PLPP4: variants seen among roughly 807,000 people sequenced by gnomAD.
PLPP4 encodes diacylglycerol pyrophosphate like 2.
In PLPP4, 20 loss-of-function variants were observed where a neutral mutation model predicts 32.2. The ratio of observed to expected loss-of-function variants is 0.62; its 90% confidence interval spans 0.44 to 0.90. PLPP4 has a LOEUF of 0.90. Among genes scored for constraint, PLPP4 ranks in the 40% least tolerant of loss-of-function variants. PLPP4 has a pLI of 0.00. For missense variants in PLPP4, 257 were observed against 353.1 expected (o/e 0.73, Z 2.18); for synonymous variants, 127 against 133.0 (o/e 0.95, Z 0.31).
intron 4 of PLPP4, among the ~76,000 whole-genome samples, chr10:120,520,442 A>G (rs1388559007): frequency 2.0e-5 from 3 of 152,192 alleles, no homozygotes; most frequent in African/African-American, 7.2e-5. Flanking sequence ...TAATAGGATT[A>G]CTTATTTATC....
chr10:120,581,415 G>A, intron 6 of PLPP4: 1 of 575,328 alleles, frequency 1.7e-6, no homozygotes, highest in Non-Finnish European at 2.2e-6. Flanking sequence ...GCCCTCAACT[G>A]CATTTGGAAT....
At chr10:120,533,853 A>T (rs1478264205) in intron 5 of PLPP4, among the ~76,000 whole-genome samples, 1 of 151,988 alleles carries the variant, frequency 6.6e-6, no homozygotes, top group Non-Finnish European at 1.5e-5. Context: ...ATCTGGTTTC[A>T]TTTCCTTAGT....
At chr10:120,574,845 T>G (rs773250548) in intron 5 of PLPP4, among the ~76,000 whole-genome samples, 2 of 152,254 alleles carry the variant, frequency 1.3e-5, no homozygotes, top group Non-Finnish European at 2.9e-5. Context: ...CCACATCTAG[T>G]GCAGTGCCTG....
chr10:120,515,842 G>A (rs1845914734), intron 3 of PLPP4, among the ~76,000 whole-genome samples: 1 of 152,182 alleles, frequency 6.6e-6, no homozygotes, highest in African/African-American at 2.4e-5. Context: ...GGAGTCTCAA[G>A]ATAAGTGACT....
At chr10:120,486,640 G>A (rs1028457710) in intron 1 of PLPP4, among the ~76,000 whole-genome samples, 4 of 152,200 alleles carry the variant, frequency 2.6e-5, no homozygotes, top group African/African-American at 9.7e-5. Flanking sequence ...AGGAGAATGT[G>A]GTTTCAGGTG....
chr10:120,554,842 A>G (rs749301619), intron 5 of PLPP4, among the ~76,000 whole-genome samples: 1 of 152,258 alleles, frequency 6.6e-6, no homozygotes, highest in Non-Finnish European at 1.5e-5. Context: ...ATCTGCCCCC[A>G]TGACCAAATC....
intron 1 of PLPP4, among the ~76,000 whole-genome samples, chr10:120,496,933 GTGTGT>G (rs1163513582): frequency 2.0e-5 from 3 of 149,328 alleles, no homozygotes; most frequent in Non-Finnish European, 3.0e-5. Context: ...GTGTGTGTGT[GTGTGT>G]ATGTGCAGGT....
intron 6 of PLPP4, among the ~76,000 whole-genome samples, chr10:120,582,352 C>A (rs1849548772): frequency 6.6e-6 from 1 of 152,198 alleles, no homozygotes; most frequent in African/African-American, 2.4e-5. Context: ...CTGCCTCTCT[C>A]TTCCCATGGT....
chr10:120,589,399 A>C lies in PLPP4; in HGVS notation c.713A>C (p.Tyr238Ser), dbSNP rs780435648. The C allele has an allele frequency of 1.2e-6, 2 of 1,614,100 alleles. No individual in the cohort carries two copies. Among genetic ancestry groups the C allele is most frequent in the South Asian group, 1.1e-5 (1 of 91,084 alleles). ...PLANTACHKP[Y>S]VSLRVPASLK... ...GCCAACACAGCTTGCCATAAACCCTACGTTAGTCTGCGAGTCCCAGCCTCA... is the reference window on the plus strand; with the variant it reads ...GCCAACACAGCTTGCCATAAACCCTCCGTTAGTCTGCGAGTCCCAGCCTCA... Residue 238 changes from tyrosine to serine, a missense_variant, in exon 7 of 7, where the codon TAC (tyrosine) becomes TCC (serine). Physicochemically the swap from Tyr to Ser is moderately radical, Grantham distance 144. Coordinates refer to ENST00000398250, the MANE Select transcript of PLPP4 (RefSeq NM_001030059.3).
intron 5 of PLPP4, among the ~76,000 whole-genome samples, chr10:120,555,781 G>T (rs1848135726): frequency 6.6e-6 from 1 of 152,244 alleles, no homozygotes; most frequent in South Asian, 2.1e-4. Flanking sequence ...TCACCCAACA[G>T]ATATTTATTG....
chr10:120,567,404 A>G (rs1848740156), intron 5 of PLPP4, among the ~76,000 whole-genome samples: 1 of 152,190 alleles, frequency 6.6e-6, no homozygotes, highest in Non-Finnish European at 1.5e-5. Context: ...CACACATATC[A>G]AGTCTTTGGA....
At chr10:120,506,858 C>G (rs1755033323) in intron 2 of PLPP4, among the ~76,000 whole-genome samples, 1 of 152,162 alleles carries the variant, frequency 6.6e-6, no homozygotes, top group Admixed American at 6.5e-5. Context: ...CTGTTTGATT[C>G]CAAGAGCTTG....
intron 6 of PLPP4, 100 bp downstream of exon 6, chr10:120,575,401 A>G (rs999212382): frequency 7.7e-6 from 10 of 1,300,700 alleles, no homozygotes; most frequent in African/African-American, 1.5e-5. Flanking sequence ...CTAAGTGCCC[A>G]TTGTCCAAAA....
intron 1 of PLPP4, among the ~76,000 whole-genome samples, chr10:120,478,495 G>C (rs1844036243): frequency 6.6e-6 from 1 of 152,208 alleles, no homozygotes. Context: ...GCATAGGCTT[G>C]ATGTAGGAAA....
At chr10:120,475,980 G>A (rs1416385323) in intron 1 of PLPP4, among the ~76,000 whole-genome samples, 2 of 152,192 alleles carry the variant, frequency 1.3e-5, no homozygotes, top group Non-Finnish European at 2.9e-5. Context: ...TGCAGGCTCG[G>A]ACATGCATTG....
At chr10:120,484,360 A>G (rs1564787822) in intron 1 of PLPP4, among the ~76,000 whole-genome samples, 1 of 152,166 alleles carries the variant, frequency 6.6e-6, no homozygotes. Context: ...AAATTGGATA[A>G]TTCATAATAA....
At chr10:120,484,203 A>G (rs1844339130) in intron 1 of PLPP4, among the ~76,000 whole-genome samples, 1 of 152,238 alleles carries the variant, frequency 6.6e-6, no homozygotes, top group African/African-American at 2.4e-5. Context: ...TCTATAAACA[A>G]TAACAATATT....
At position 120,545,879 on chromosome 10, in the gene PLPP4, A is replaced by T. The variant is rs573379767; in HGVS notation, c.445+24784A>T. Among the ~76,000 whole-genome samples the T allele has an allele frequency of 6.8e-4, 104 of 152,262 alleles. 1 individual carries two copies. The highest frequency in any genetic ancestry group is 1.8e-3 in the African/African-American group (75 of 41,546). ...AGACCCACCCTCAATCTGGGTGGGC[A>T]CCATCTAATCAGCTGCCAGCGCGGC... On this transcript the variant is annotated intron_variant, in intron 5 of 6. Coordinates refer to ENST00000398250, the MANE Select transcript of PLPP4 (RefSeq NM_001030059.3).
rs369394386 is a variant in PLPP4, at chr10:120,575,288, G to A, written c.603G>A (p.Lys201=). ...CCCTGTCCCGCATGTGCGACTACAA[G>A]CATCACTGGCAAGGTGAGTCCCTGC... ...MIALSRMCDY[K]HHWQDSFVGG... is the part of the protein sequence containing the mutation. The change falls in exon 6 of 7, where the codon AAG becomes AAA. Residue 201 remains lysine (K), a synonymous_variant. Transcript: ENST00000398250. 1.2e-4 allele frequency: 197 copies of A among 1,613,672 alleles called. No individual in the cohort carries two copies. The highest frequency in any genetic ancestry group is 1.6e-4 in the Non-Finnish European group (192 of 1,179,786).
Sources: allele counts gnomAD v4.1 joint callset (sites outside exome capture counted in the v4.1 genomes callset), GRCh38; gene constraint gnomAD v4.1.1; transcripts MANE v1.5; gene names NCBI Gene and HGNC (gene_info 2026-07-23, HGNC 2026-07-21).